SIDT2: variants seen among roughly 807,000 people sequenced by gnomAD.
SIDT2 encodes SID1 transmembrane family, member 2.
Under a neutral mutation model 114.4 loss-of-function variants are expected in SIDT2, and 68 were observed. The ratio of observed to expected loss-of-function variants is 0.59; its 90% CI spans 0.49 to 0.73. SIDT2 has a LOEUF of 0.73. SIDT2 is among the 30% of genes least tolerant of loss of function. The probability of loss-of-function intolerance (pLI) is 0.00; values close to 1 mark genes in which losing one functional copy is unlikely to be tolerated. For synonymous variants in SIDT2, 470 were observed against 438.4 expected (o/e 1.07, Z -0.90); for missense variants, 918 against 1,097.1 (o/e 0.84, Z 2.31).
intron 18 of SIDT2, chr11:117,191,275 CAA>C (rs58193139): frequency 2.5e-4 from 27 of 106,286 alleles, no homozygotes; most frequent in Non-Finnish European, 3.7e-4. Context: ...GACTCCGTCT[CAA>C]AAAAAAAAAA....
At position 117,179,278 on chromosome 11, in the gene SIDT2, C is replaced by T. The variant is rs376942260; in HGVS notation, c.15C>T (p.Gly5=). MFAL[G]LPFLVLLVAS... ...CTGCCGGGGCCATGTTCGCTCTGGG[C>T]TTGCCCTTCTTGGTGCTCTTGGTGG... Residue 5 remains glycine, a synonymous_variant, in exon 1 of 26, where the codon GGC becomes GGT. Coordinates refer to ENST00000324225, the MANE Select transcript of SIDT2 (RefSeq NM_001040455.2). 14 of 1,613,298 alleles carry T rather than the reference C, an allele frequency of 8.7e-6. No homozygotes were observed. The highest frequency in any genetic ancestry group is 1.2e-5 in the Non-Finnish European group (14 of 1,179,794).
intron 8 of SIDT2, 75 bp from the exon 9 acceptor site, chr11:117,186,055 T>A (rs1185965532): frequency 2.4e-6 from 3 of 1,230,178 alleles, no homozygotes; most frequent in Non-Finnish European, 3.6e-6. Context: ...GAGGAGGACA[T>A]GAAGGCCTTT....
chr11:117,188,594 C>A lies in SIDT2; in HGVS notation c.1160-114C>A. On this transcript the variant is annotated intron_variant, in intron 12 of 25. Coordinates refer to ENST00000324225, the MANE Select transcript of SIDT2 (RefSeq NM_001040455.2). The surrounding 1 kb of genome is among the most constrained non-coding windows in gnomAD (Gnocchi z 4.0). ...TCCACCCCAACTCTGAGGCCCAGCC[C>A]ACAATTTGCCTCTTCCCTACTGCCT... The A allele has an allele frequency of 1.3e-6, 1 of 779,272 alleles. No individual in the cohort carries two copies. Among genetic ancestry groups the A allele is most frequent in the South Asian group, 1.6e-5 (1 of 63,762 alleles). The allele number at this position is 779,272 out of a possible 1,614,324, so 48.3% of individuals were successfully genotyped here.
At position 117,187,388 on chromosome 11, in the gene SIDT2, A is replaced by C. The variant is rs759098721; in HGVS notation, c.1026A>C (p.Arg342=). Residue 342 remains arginine, a synonymous_variant, in exon 11 of 26, where the codon CGA becomes CGC. Coordinates refer to ENST00000324225, the MANE Select transcript of SIDT2 (RefSeq NM_001040455.2). ...DRACPESGHP[R]VLADSFPGSS... ...GACTTCTCATTGCAGGTCACCCTCGAGTCCTGGCTGATTCTTTTCCTGGCA... is the reference window on the plus strand; with the variant it reads ...GACTTCTCATTGCAGGTCACCCTCGCGTCCTGGCTGATTCTTTTCCTGGCA... 2.0e-5 allele frequency: 32 copies of C among 1,613,862 alleles called. No individual in the cohort carries two copies. In the African/African-American group the frequency reaches 3.9e-4, roughly 20 times the overall value.
intron 8 of SIDT2, chr11:117,185,924 C>A: frequency 1.6e-5 from 7 of 429,600 alleles, no homozygotes; most frequent in South Asian, 1.1e-4. Context: ...GCCCAGGGAG[C>A]AACATGAGCA....
At position 117,181,950 on chromosome 11, in the gene SIDT2, G is replaced by A. The variant is rs758584609; in HGVS notation, c.449G>A (p.Arg150His). 14 of 1,614,002 alleles carry A rather than the reference G, an allele frequency of 8.7e-6. No homozygotes were observed. The highest frequency in any genetic ancestry group is 1.2e-5 in the Non-Finnish European group (14 of 1,180,042). The change falls in exon 3 of 26, where the codon CGC becomes CAC. Residue 150 changes from arginine (R) to histidine (H), a missense_variant. Arg to His is a conservative substitution (Grantham distance 29). Around this residue, in one of 4 missense-constraint regions of SIDT2, gnomAD observed 553 missense variants for 600.1 expected, o/e 0.92. Transcript: ENST00000324225. ...VNTTYQLRVS[R>H]MDDFVLRTGE... ...ACCACATACCAGCTCCGGGTCAGCC[G>A]CATGGACGATTTTGTGCTCAGGTCT...
Position 117,189,399 on chromosome 11 carries a change from ACGGTGAGAGGG to A in SIDT2, c.1419_1419+10del, listed in dbSNP as rs1487135496. 6.2e-7 allele frequency: 1 copy of A among 1,613,922 alleles called. No individual in the cohort carries two copies. The highest frequency in any genetic ancestry group is 8.5e-7 in the Non-Finnish European group (1 of 1,179,922). On this transcript the variant is annotated splice_donor_variant and splice_donor_5th_base_variant and coding_sequence_variant and intron_variant, in exon 15 of 26. Coordinates refer to ENST00000324225, the MANE Select transcript of SIDT2 (RefSeq NM_001040455.2). LOFTEE classifies it high-confidence loss of function. ...GGTGCAGCTGGTGATCACCTACCAG[ACGGTGAGAGGG>A]CAGGGCAGGTTCACCTTTCCGACAG...
Position 117,182,612 on chromosome 11 carries a change from G to A in SIDT2, c.610G>A (p.Asp204Asn), listed in dbSNP as rs754619952. ...AFPCSVISIQ[D>N]VLCPVYDLDN... is the part of the protein sequence containing the mutation. ...CCCCTGCTCAGTCATCTCCATTCAG[G>A]ATGTGCTGGTGAGTTGCCTGCCCTT... Residue 204 changes from aspartate to asparagine, a missense_variant, in exon 5 of 26, where the codon GAT (aspartate) becomes AAT (asparagine). Physicochemically the swap from Asp to Asn is conservative, Grantham distance 23. Transcript: ENST00000324225. 18 of 1,614,134 alleles carry A rather than the reference G, an allele frequency of 1.1e-5. No homozygotes were observed. The highest frequency in any genetic ancestry group is 1.5e-5 in the Non-Finnish European group (18 of 1,180,054).
At position 117,192,207 on chromosome 11, in the gene SIDT2, C is replaced by T. The variant is rs774003664; in HGVS notation, c.1873-47C>T. 7.5e-6 allele frequency: 11 copies of T among 1,473,554 alleles called. No homozygotes were observed. The highest frequency in any genetic ancestry group is 2.8e-5 in the African/African-American group (2 of 72,040). The allele number at this position is 1,473,554 out of a possible 1,614,324, so 91.3% of individuals were successfully genotyped here. On this transcript the variant is annotated intron_variant, in intron 19 of 25. Transcript: ENST00000324225. The surrounding 1 kb of genome is among the most constrained non-coding windows in gnomAD (Gnocchi z 5.9). ...CCCAGGAAGGGTGGGCCATCCGAGC[C>T]ACTTCCCTCTCCACCCTCACCGCTG...
Position 117,192,625 on chromosome 11 carries a change from G to A in SIDT2, c.2033G>A (p.Arg678Gln), listed in dbSNP as rs748754297. 8.7e-6 allele frequency: 14 copies of A among 1,612,020 alleles called. No individual in the cohort carries two copies. The highest frequency in any genetic ancestry group is 3.3e-5 in the Admixed American group (2 of 60,022). ...ILHVLYTDCI[R>Q]QCSGPLYVDR... ...CACGTGCTCTACACAGACTGCATCC[G>A]GCAGTGCAGCGGGCCGCTCTACGTG... The change falls in exon 21 of 26, where the codon CGG becomes CAG. Residue 678 changes from arginine to glutamine, a missense_variant. This residue lies in a region of SIDT2 where 275 missense variants were observed against 397.6 expected (regional missense o/e 0.69). Transcript: ENST00000324225. The surrounding 1 kb of genome is among the most constrained non-coding windows in gnomAD (Gnocchi z 5.9).
Position 117,184,116 on chromosome 11 carries a change from T to C in SIDT2, c.845T>C (p.Val282Ala). 3.1e-6 allele frequency: 5 copies of C among 1,614,114 alleles called. No individual in the cohort carries two copies. Among genetic ancestry groups the C allele is most frequent in the Non-Finnish European group, 4.2e-6 (5 of 1,180,018 alleles). Residue 282 changes from valine to alanine, a missense_variant, in exon 8 of 26, where the codon GTG becomes GCG. Coordinates refer to ENST00000324225, the MANE Select transcript of SIDT2 (RefSeq NM_001040455.2). ...GGGCACCGCCAGAAAACCCTGTCAGTGCTGGTGTCTCAAGCAGTCACGTGT... is the reference window on the plus strand; with the variant it reads ...GGGCACCGCCAGAAAACCCTGTCAGCGCTGGTGTCTCAAGCAGTCACGTGT... ...DQGHRQKTLS[V>A]LVSQAVTSEA...
intron 22 of SIDT2, 143 bp from the exon 23 acceptor site, chr11:117,193,010 C>T: frequency 1.5e-6 from 2 of 1,324,614 alleles, no homozygotes; most frequent in Non-Finnish European, 1.1e-6. Context: ...TCTCTTCTCT[C>T]TCTTGGCATC....
chr11:117,193,118 C>T (rs547993284), intron 22 of SIDT2, 35 bp from the exon 23 acceptor site: 7 of 1,605,420 alleles, frequency 4.4e-6, no homozygotes, highest in Admixed American at 3.3e-5. Flanking sequence ...TGCCCTTGGG[C>T]TTCCTGCTTC....
At chr11:117,184,820 G>A (rs771071420) in intron 8 of SIDT2, among the ~76,000 whole-genome samples, 1 of 152,130 alleles carries the variant, frequency 6.6e-6, no homozygotes, top group East Asian at 1.9e-4. Context: ...CCGCCTCCCG[G>A]GTTCAAATGA....
intron 14 of SIDT2, 39 bp from the exon 15 acceptor site, chr11:117,189,296 G>A (rs2030615731): frequency 6.2e-7 from 1 of 1,614,094 alleles, no homozygotes; most frequent in Admixed American, 1.7e-5. Flanking sequence ...TGGCAGCCTT[G>A]GGTGCCACCC....
At chr11:117,187,784 GC>G in intron 12 of SIDT2, 85 bp downstream of exon 12, 1 of 1,325,950 alleles carries the variant, frequency 7.5e-7, no homozygotes, top group Non-Finnish European at 1.1e-6. Context: ...TGCCTCTTCT[GC>G]CAGATGCTGG....
Position 117,181,483 on chromosome 11 carries a change from T to C in SIDT2, c.251T>C (p.Val84Ala). Reference sequence around the variant, plus strand: ...AAGGGGGCGCCGTTGCTGTTTGTGGTCCGCCAGAAGGAGGCTGTGGTGTCC... The same window carrying C: ...AAGGGGGCGCCGTTGCTGTTTGTGGCCCGCCAGAAGGAGGCTGTGGTGTCC... ...KQKGAPLLFV[V>A]RQKEAVVSFQ... The change falls in exon 2 of 26, where the codon GTC (valine) becomes GCC (alanine). Residue 84 changes from valine to alanine, a missense_variant. Val to Ala is a moderately conservative substitution (Grantham distance 64). This residue lies in a region of SIDT2 where 553 missense variants were observed against 600.1 expected (regional missense o/e 0.92). Coordinates refer to ENST00000324225, the MANE Select transcript of SIDT2 (RefSeq NM_001040455.2). 12 of 1,613,668 alleles carry C rather than the reference T, an allele frequency of 7.4e-6. No homozygotes were observed. Among genetic ancestry groups the C allele is most frequent in the African/African-American group, 1.3e-5 (1 of 74,852 alleles).
chr11:117,192,841 A>G lies in SIDT2; in HGVS notation c.2080A>G (p.Met694Val), dbSNP rs773669472. The change falls in exon 22 of 26, where the codon ATG becomes GTG. Residue 694 changes from methionine to valine, a missense_variant. Physicochemically the swap from Met to Val is conservative, Grantham distance 21 (BLOSUM62 1). Around this residue, in one of 4 missense-constraint regions of SIDT2, gnomAD observed 275 missense variants for 397.6 expected, o/e 0.69. Coordinates refer to ENST00000324225, the MANE Select transcript of SIDT2 (RefSeq NM_001040455.2). This position sits in a 1 kb window ranked among gnomAD's most constrained non-coding sequence, Gnocchi z 5.9. Reference protein sequence around the residue: ...LYVDRMVLLVMGNVINWSLAA... With the variant: ...LYVDRMVLLVVGNVINWSLAA... ...CCAGGACCGCATGGTGCTGCTGGTC[A>G]TGGGCAACGTCATCAACTGGTCGCT... 2 of 1,613,956 alleles carry G rather than the reference A, an allele frequency of 1.2e-6. No homozygotes were observed. Among genetic ancestry groups the G allele is most frequent in the African/African-American group, 1.3e-5 (1 of 74,900 alleles).
Position 117,181,828 on chromosome 11 carries a change from C to A in SIDT2, c.327C>A (p.Tyr109Ter). ...ATAGGTTTCAGCGCAAGTACCTCTA[C>A]CAAAAAGTGGAACGAACCCTGTGTC... ...LRGMFQRKYL[Y>*]QKVERTLCQP... Residue 109 changes from tyrosine (Y) to a stop codon, truncating the protein, a stop_gained, in exon 3 of 26, where the codon TAC becomes TAA. Transcript: ENST00000324225. LOFTEE classifies it high-confidence loss of function. The A allele has an allele frequency of 6.2e-7, 1 of 1,614,164 alleles. No individual in the cohort carries two copies. The highest frequency in any genetic ancestry group is 8.5e-7 in the Non-Finnish European group (1 of 1,180,018).
Sources: gnomAD v4.1 joint callset for allele counts (sites outside exome capture counted in the v4.1 genomes callset) on GRCh38, gnomAD v4.1.1 for gene constraint, gnomAD v4.1.1 regional missense constraint, Gnocchi (gnomAD v3.1) non-coding constraint, MANE v1.5 for transcripts, NCBI Gene and HGNC (gene_info 2026-07-23, HGNC 2026-07-21) for gene names.